The following HSD17B12 variants were observed in gnomAD, a reference collection of about 807,000 sequenced individuals.
HSD17B12 encodes very-long-chain 3-oxoacyl-CoA reductase.
HSD17B12 carries 32 observed loss-of-function variants against 39.3 expected under a neutral mutation model. The observed-to-expected ratio is 0.81, with a 90% CI of 0.61 to 1.09. The LOEUF (loss-of-function observed/expected upper bound fraction) is 1.09, where lower values mean the gene tolerates loss of function less well. HSD17B12 is among the 50% of genes least tolerant of loss of function. The pLI, the probability that HSD17B12 is intolerant of heterozygous loss-of-function variation, is 0.00. For missense variants in HSD17B12, 342 were observed against 382.9 expected (o/e 0.89, Z 0.89); for synonymous variants, 150 against 146.7 (o/e 1.02, Z -0.16).
the HSD17B12 span, among the ~76,000 whole-genome samples, chr11:43,661,673 A>C: frequency 6.6e-6 from 1 of 152,182 alleles, no homozygotes; most frequent in Non-Finnish European, 1.5e-5. Flanking sequence ...AAAAGGAATC[A>C]GAGATGTGTA....
chr11:43,773,785 C>T (rs979337229), intron 3 of HSD17B12, among the ~76,000 whole-genome samples: 2 of 152,062 alleles, frequency 1.3e-5, no homozygotes, highest in Admixed American at 1.3e-4. Flanking sequence ...TTGTATATAC[C>T]ACCTACAAAA....
chr11:43,825,216 G>C (rs1951222776), intron 6 of HSD17B12, among the ~76,000 whole-genome samples: 1 of 151,874 alleles, frequency 6.6e-6, no homozygotes, highest in African/African-American at 2.4e-5. Context: ...ATCAGAGTAT[G>C]AGACCCTTTG....
Position 43,742,758 on chromosome 11 carries a change from G to GT in HSD17B12, c.161-8152dup, listed in dbSNP as rs200558140. Among the ~76,000 whole-genome samples the GT allele has an allele frequency of 3.6e-3, 540 of 149,768 alleles. 4 individuals carry two copies. In the East Asian group the frequency reaches 0.042, roughly 12 times the overall value. The stretch of plus-strand genomic sequence containing the variant: ...CAGGATTTCCAGTTTTTTTGTGTGT[G>GT]TGTTTTTTTTTTGTGCCCATAAATA... On this transcript the variant is annotated intron_variant, in intron 1 of 10. Coordinates refer to ENST00000278353, the MANE Select transcript of HSD17B12 (RefSeq NM_016142.3).
intron 6 of HSD17B12, among the ~76,000 whole-genome samples, chr11:43,828,571 C>T (rs1395693488): frequency 6.6e-6 from 1 of 151,046 alleles, no homozygotes; most frequent in African/African-American, 2.4e-5. Flanking sequence ...AACCACTGAA[C>T]TTGCAAGTTA....
chr11:43,771,462 C>CTTT (rs34783257), intron 3 of HSD17B12, among the ~76,000 whole-genome samples: 1,989 of 90,562 alleles, frequency 0.022, 78 homozygotes, highest in African/African-American at 0.037. Context: ...GACTCATATT[C>CTTT]TTTTTTTTTT....
Position 43,830,991 on chromosome 11 carries a change from C to A in HSD17B12, c.517C>A (p.Leu173Met). 1 of 1,607,274 alleles carries A rather than the reference C, an allele frequency of 6.2e-7. No homozygotes were observed. The highest frequency in any genetic ancestry group is 2.3e-5 in the East Asian group (1 of 44,264). ...LSVCKMTQLV[L>M]PGMVERSKGA... Reference sequence around the variant, plus strand: ...TCTCTTGCAGATGACACAATTGGTACTGCCTGGCATGGTGGAAAGGTGAGT... The same window carrying A: ...TCTCTTGCAGATGACACAATTGGTAATGCCTGGCATGGTGGAAAGGTGAGT... The change falls in exon 7 of 11, where the codon CTG becomes ATG. Residue 173 changes from leucine to methionine, a missense_variant. Coordinates refer to ENST00000278353, the MANE Select transcript of HSD17B12 (RefSeq NM_016142.3).
chr11:43,620,405 C>T, the HSD17B12 span, among the ~76,000 whole-genome samples: 2 of 152,072 alleles, frequency 1.3e-5, no homozygotes, highest in Non-Finnish European at 2.9e-5. Flanking sequence ...CTTCAGAGTC[C>T]GATCTCTTAG....
chr11:43,751,795 G>GT (rs1441837869), intron 2 of HSD17B12, among the ~76,000 whole-genome samples: 7 of 152,150 alleles, frequency 4.6e-5, no homozygotes, highest in Non-Finnish European at 1.0e-4. Flanking sequence ...TGGACCATTT[G>GT]TAAGTTAGTT....
chr11:43,797,636 A>G (rs778879188), intron 3 of HSD17B12, among the ~76,000 whole-genome samples: 4 of 152,218 alleles, frequency 2.6e-5, no homozygotes, highest in Non-Finnish European at 5.9e-5. Flanking sequence ...ACTGTACATT[A>G]ACTCAGATGA....
At chr11:43,733,694 T>G in intron 1 of HSD17B12, 1 of 517,460 alleles carries the variant, frequency 1.9e-6, no homozygotes, top group Non-Finnish European at 3.7e-6. Context: ...AAAAAAGGGG[T>G]TTAGGGGGAA....
chr11:43,717,910 T>A (rs1462215628), intron 1 of HSD17B12, among the ~76,000 whole-genome samples: 1 of 151,342 alleles, frequency 6.6e-6, no homozygotes, highest in Non-Finnish European at 1.5e-5. Context: ...GTTTAAGCAA[T>A]TCTCATACCT....
chr11:43,847,637 G>A (rs144196786), intron 9 of HSD17B12, among the ~76,000 whole-genome samples: 2 of 147,008 alleles, frequency 1.4e-5, no homozygotes, highest in African/African-American at 2.5e-5. Context: ...AGCCCAGGAG[G>A]TTGAAGGTGC....
the HSD17B12 span, among the ~76,000 whole-genome samples, chr11:43,561,081 G>A: frequency 6.6e-6 from 1 of 152,146 alleles, no homozygotes; most frequent in Non-Finnish European, 1.5e-5. Context: ...CCGTGGCTTA[G>A]AGCCCAAGCC....
At chr11:43,632,489 C>T in the HSD17B12 span, among the ~76,000 whole-genome samples, 1 of 152,146 alleles carries the variant, frequency 6.6e-6, no homozygotes, top group African/African-American at 2.4e-5. Context: ...GTTTTTAGAT[C>T]ACCATGGATC....
intron 3 of HSD17B12, among the ~76,000 whole-genome samples, chr11:43,788,033 T>A (rs1950832063): frequency 1.3e-5 from 2 of 152,208 alleles, no homozygotes; most frequent in South Asian, 2.1e-4. Context: ...TCAGCATTTT[T>A]AAAATAAAGG....
At chr11:43,598,686 C>T in the HSD17B12 span, among the ~76,000 whole-genome samples, 15 of 152,156 alleles carry the variant, frequency 9.9e-5, no homozygotes, top group Non-Finnish European at 1.9e-4. Context: ...TCCAACTGCC[C>T]TGCCTTCTGA....
At chr11:43,662,920 A>G in the HSD17B12 span, among the ~76,000 whole-genome samples, 4 of 152,220 alleles carry the variant, frequency 2.6e-5, no homozygotes, top group Admixed American at 1.3e-4. Context: ...TGAAATTTTC[A>G]TCTCATGATT....
At chr11:43,699,993 C>A (rs1949948540) in intron 1 of HSD17B12, among the ~76,000 whole-genome samples, 2 of 152,198 alleles carry the variant, frequency 1.3e-5, no homozygotes, top group East Asian at 3.9e-4. Context: ...AGCTTTAGCC[C>A]ACACAATAAC....
intron 3 of HSD17B12, among the ~76,000 whole-genome samples, chr11:43,762,582 G>C (rs1297871590): frequency 6.6e-6 from 1 of 152,188 alleles, no homozygotes; most frequent in Non-Finnish European, 1.5e-5. Flanking sequence ...AAGACTGATG[G>C]TTAATTTATT....
Sources: gnomAD v4.1 joint callset for allele counts (sites outside exome capture counted in the v4.1 genomes callset) on GRCh38, gnomAD v4.1.1 for gene constraint, MANE v1.5 for transcripts, NCBI Gene and HGNC (gene_info 2026-07-23, HGNC 2026-07-21) for gene names.